SNX10: variants seen among roughly 807,000 people sequenced by gnomAD.
SNX10 encodes sorting nexin 10.
Under a neutral mutation model 28.5 loss-of-function variants are expected in SNX10, and 25 were observed. That is an observed-to-expected ratio of 0.88 (90% CI 0.64 to 1.22). The LOEUF is 1.22. Ranked by LOEUF, SNX10 falls within the 50% of genes most tolerant of loss-of-function variation. The pLI is 0.00. For synonymous variants in SNX10, 62 were observed against 81.4 expected (o/e 0.76, Z 1.28); for missense variants, 223 against 242.6 (o/e 0.92, Z 0.54).
chr7:26,320,418 TTTTAA>T (rs1787265945), intron 1 of SNX10, among the ~76,000 whole-genome samples: 1 of 151,834 alleles, frequency 6.6e-6, no homozygotes, highest in South Asian at 2.1e-4. Flanking sequence ...CTTCTTCTTT[TTTTAA>T]TTTATTTTAT....
intron 1 of SNX10, among the ~76,000 whole-genome samples, chr7:26,303,759 T>G (rs971345760): frequency 2.8e-4 from 43 of 152,188 alleles, no homozygotes; most frequent in African/African-American, 9.9e-4. Flanking sequence ...GTATTCCAAT[T>G]CAGTAGTTCT....
At chr7:26,337,183 C>G (rs776649496) in intron 1 of SNX10, among the ~76,000 whole-genome samples, 1 of 152,142 alleles carries the variant, frequency 6.6e-6, no homozygotes, top group Non-Finnish European at 1.5e-5. Flanking sequence ...CTGTTAATAG[C>G]AAGATGAAAC....
intron 2 of SNX10, chr7:26,360,595 T>C (rs1436869017): frequency 4.9e-6 from 1 of 204,328 alleles, no homozygotes; most frequent in African/African-American, 2.4e-5. Flanking sequence ...GGGCCCATTG[T>C]TTCAGTTTAG....
At chr7:26,321,294 C>G (rs1787298582) in intron 1 of SNX10, among the ~76,000 whole-genome samples, 1 of 152,140 alleles carries the variant, frequency 6.6e-6, no homozygotes, top group Non-Finnish European at 1.5e-5. Context: ...AAGGTAAAAG[C>G]TTTTTCCTCT....
intron 1 of SNX10, among the ~76,000 whole-genome samples, chr7:26,336,727 A>G (rs910475600): frequency 7.9e-5 from 12 of 152,202 alleles, no homozygotes; most frequent in African/African-American, 2.9e-4. Context: ...AAAAATCAAC[A>G]ATACTGTTTG....
chr7:26,353,460 T>TGGGGGG (rs371699790), intron 2 of SNX10, among the ~76,000 whole-genome samples: 1 of 83,432 alleles, frequency 1.2e-5, no homozygotes, highest in Non-Finnish European at 2.4e-5. Context: ...TTTTTTTTTT[T>TGGGGGG]GGTGGGGAGA....
intron 2 of SNX10, among the ~76,000 whole-genome samples, chr7:26,348,279 C>T (rs182308122): frequency 1.3e-5 from 2 of 152,218 alleles, no homozygotes; most frequent in Admixed American, 1.3e-4. Context: ...CTGCTTGTTC[C>T]GGGAAATACC....
chr7:26,329,500 G>A (rs1787642108), intron 1 of SNX10, among the ~76,000 whole-genome samples: 1 of 152,116 alleles, frequency 6.6e-6, no homozygotes, highest in South Asian at 2.1e-4. Context: ...TCATTATCTT[G>A]TTCATTTATT....
intron 1 of SNX10, among the ~76,000 whole-genome samples, chr7:26,302,151 T>G (rs1240475606): frequency 6.6e-6 from 1 of 152,192 alleles, no homozygotes; most frequent in East Asian, 1.9e-4. Context: ...CCAATCTCCC[T>G]TCCCATTTTC....
In SNX10 at chr7:26,373,035, C is replaced by T. The variant is rs898848640; in HGVS notation, c.*463C>T. The T allele has an allele frequency of 6.5e-6, 1 of 153,062 alleles. No homozygotes were observed. Among genetic ancestry groups the T allele is most frequent in the Admixed American group, 6.5e-5 (1 of 15,400 alleles). The allele number at this position is 153,062 out of a possible 1,614,324, so 9.5% of individuals were successfully genotyped here. The stretch of plus-strand genomic sequence containing the variant: ...CAGACTGCCTCTCTCAGATATGTGC[C>T]TGATATTTTGTGGATACCTCCCCTG... On this transcript the variant is annotated 3_prime_UTR_variant, in exon 7 of 7. Coordinates refer to ENST00000338523, the MANE Select transcript of SNX10 (RefSeq NM_013322.3). This position sits in a 1 kb window ranked among gnomAD's most constrained non-coding sequence, Gnocchi z 4.2.
chr7:26,371,702 C>T (rs1009205515), intron 5 of SNX10, 119 bp from the exon 6 acceptor site: 3 of 707,572 alleles, frequency 4.2e-6, no homozygotes, highest in East Asian at 2.5e-5. Context: ...ATAATTGATA[C>T]AAAGTTTACC....
intron 1 of SNX10, among the ~76,000 whole-genome samples, chr7:26,334,895 C>T (rs960690899): frequency 6.6e-6 from 1 of 152,168 alleles, no homozygotes; most frequent in African/African-American, 2.4e-5. Context: ...CAATTTGGGC[C>T]TGGTTTGCAG....
chr7:26,354,975 C>T (rs76975547), intron 2 of SNX10, among the ~76,000 whole-genome samples: 9,011 of 151,754 alleles, frequency 0.059, 497 homozygotes, highest in East Asian at 0.25. Context: ...TTGTGTTTGA[C>T]ATTTACATCT....
At chr7:26,324,764 C>G (rs557151237) in intron 1 of SNX10, among the ~76,000 whole-genome samples, 20 of 152,236 alleles carry the variant, frequency 1.3e-4, no homozygotes, top group Non-Finnish European at 1.5e-5. Context: ...CAAGACTGTC[C>G]TGAACAACCC....
At chr7:26,293,984 A>G (rs930655353) in intron 1 of SNX10, among the ~76,000 whole-genome samples, 3 of 152,138 alleles carry the variant, frequency 2.0e-5, no homozygotes. Context: ...TTAAGGCTTC[A>G]TTTTGCTCGT....
chr7:26,297,754 C>G (rs1463688754), intron 1 of SNX10, among the ~76,000 whole-genome samples: 1 of 152,108 alleles, frequency 6.6e-6, no homozygotes, highest in African/African-American at 2.4e-5. Flanking sequence ...TGTAAAATAT[C>G]AAGAAATAAT....
At chr7:26,309,312 T>C (rs988731502) in intron 1 of SNX10, among the ~76,000 whole-genome samples, 2 of 151,380 alleles carry the variant, frequency 1.3e-5, no homozygotes, top group African/African-American at 4.9e-5. Flanking sequence ...GCCTGTTTCA[T>C]ATCTGAGTCT....
At chr7:26,363,852 A>G (rs1461287907) in intron 3 of SNX10, among the ~76,000 whole-genome samples, 1 of 152,242 alleles carries the variant, frequency 6.6e-6, no homozygotes, top group Non-Finnish European at 1.5e-5. Flanking sequence ...GATATATACT[A>G]GTTCATCCCA....
intron 1 of SNX10, among the ~76,000 whole-genome samples, chr7:26,297,616 C>T (rs1786160217): frequency 6.6e-6 from 1 of 152,186 alleles, no homozygotes; most frequent in Non-Finnish European, 1.5e-5. Flanking sequence ...GGGATTTCCC[C>T]CAGGTCATCC....
Sources: gnomAD v4.1 joint callset for allele counts (sites outside exome capture counted in the v4.1 genomes callset) on GRCh38, gnomAD v4.1.1 for gene constraint, Gnocchi (gnomAD v3.1) non-coding constraint, MANE v1.5 for transcripts, NCBI Gene and HGNC (gene_info 2026-07-23, HGNC 2026-07-21) for gene names.